The following BEND6 variants were observed in gnomAD, a reference collection of about 807,000 sequenced individuals.
The protein encoded by BEND6 is BEN domain-containing protein 6.
BEND6 carries 24 observed loss-of-function variants against 31.8 expected under a neutral mutation model. That is an observed-to-expected ratio of 0.75 (90% confidence interval 0.55 to 1.06). The LOEUF is 1.06. Ranked by LOEUF, BEND6 falls within the 50% of genes least tolerant of loss-of-function variation. The pLI is 0.00. For missense variants in BEND6, 294 were observed against 327.4 expected (o/e 0.90, Z 0.79); for synonymous variants, 109 against 114.6 (o/e 0.95, Z 0.31).
chr6:57,024,845 G>A (rs1026751837), intron 6 of BEND6, among the ~76,000 whole-genome samples: 7 of 152,030 alleles, frequency 4.6e-5, no homozygotes, highest in East Asian at 3.8e-4. Flanking sequence ...ATAAGTCTTC[G>A]ATTTGGTCTT....
In BEND6 at chr6:57,018,476, A is replaced by AG; in HGVS notation, c.771dup (p.Gln258AlafsTer17). ...ATGATGTTTCAATTAGGAGAATGAT[A>AG]GGGCAAAAGCTAAACAACTGTACCA... On this transcript the variant is annotated frameshift_variant, in exon 6 of 7. Coordinates refer to ENST00000370746, the MANE Select transcript of BEND6 (RefSeq NM_152731.3). LOFTEE classifies it high-confidence loss of function. 1 of 1,592,734 alleles carries AG rather than the reference A, an allele frequency of 6.3e-7. No individual in the cohort carries two copies.
intron 4 of BEND6, among the ~76,000 whole-genome samples, chr6:57,016,712 G>A (rs1827572579): frequency 6.6e-6 from 1 of 152,048 alleles, no homozygotes; most frequent in South Asian, 2.1e-4. Flanking sequence ...TCCTTCTTCT[G>A]CTTTTAAGAA....
At position 56,992,485 on chromosome 6, in the gene BEND6, C is replaced by G; in HGVS notation, c.228C>G (p.Ser76Arg). 1 of 1,613,986 alleles carries G rather than the reference C, an allele frequency of 6.2e-7. No homozygotes were observed. Among genetic ancestry groups the G allele is most frequent in the Non-Finnish European group, 8.5e-7 (1 of 1,179,956 alleles). ...SKEELCAKIKSLKEKLTNTRK... is the reference protein window; with the variant it reads ...SKEELCAKIKRLKEKLTNTRK... ...AAGAATTGTGCGCCAAAATAAAAAG[C>G]CTGAAAGAAAAACTAACAAACACCC... The change falls in exon 3 of 7, where the codon AGC becomes AGG. Residue 76 changes from serine to arginine, a missense_variant. By Grantham distance (110) the Ser-to-Arg change is moderately radical (BLOSUM62 -1). Coordinates refer to ENST00000370746, the MANE Select transcript of BEND6 (RefSeq NM_152731.3).
intron 6 of BEND6, among the ~76,000 whole-genome samples, chr6:57,022,210 T>A (rs1178516049): frequency 6.7e-6 from 1 of 150,058 alleles, no homozygotes; most frequent in Non-Finnish European, 1.5e-5. Context: ...CTGGTATTAC[T>A]GTCTCTTCAA....
intron 1 of BEND6, among the ~76,000 whole-genome samples, chr6:56,970,992 A>G (rs770089768): frequency 3.9e-5 from 6 of 152,212 alleles, no homozygotes; most frequent in African/African-American, 7.2e-5. Context: ...AAAATTTACC[A>G]TTTTAATCAT....
At chr6:56,985,900 T>C (rs1172661629) in intron 2 of BEND6, among the ~76,000 whole-genome samples, 2 of 152,202 alleles carry the variant, frequency 1.3e-5, no homozygotes, top group Non-Finnish European at 2.9e-5. Context: ...AAATATATTC[T>C]CCCAATCTAA....
In BEND6 at chr6:56,991,115, T is replaced by G. The variant is rs185461798; in HGVS notation, c.121-1263T>G. Among the ~76,000 whole-genome samples, 110 of 152,326 alleles carry G rather than the reference T, an allele frequency of 7.2e-4. 1 individual carries two copies. The highest frequency in any genetic ancestry group is 1.7e-3 in the Admixed American group (26 of 15,304). On this transcript the variant is annotated intron_variant, in intron 2 of 6. Coordinates refer to ENST00000370746, the MANE Select transcript of BEND6 (RefSeq NM_152731.3). Reference sequence around the variant, plus strand: ...ACAATAAATTGATAATTGAAAAAATTGCAAACATTTAAAAATAAATTAATT... The same window carrying G: ...ACAATAAATTGATAATTGAAAAAATGGCAAACATTTAAAAATAAATTAATT...
intron 1 of BEND6, among the ~76,000 whole-genome samples, chr6:56,968,307 C>CTTT (rs1562535945): frequency 2.8e-5 from 3 of 106,490 alleles, no homozygotes; most frequent in Admixed American, 1.0e-4. Context: ...TTCTTTCTTT[C>CTTT]TTTTCTTTTT....
At chr6:56,955,728 A>G (rs1014998289) in intron 1 of BEND6, among the ~76,000 whole-genome samples, 1 of 152,190 alleles carries the variant, frequency 6.6e-6, no homozygotes, top group African/African-American at 2.4e-5. Context: ...CATTTAGTGC[A>G]TTTGAAGGGC....
intron 3 of BEND6, among the ~76,000 whole-genome samples, chr6:57,000,465 C>T (rs1190863963): frequency 6.6e-6 from 1 of 151,872 alleles, no homozygotes. Context: ...CCTAGGAAAA[C>T]CAGAGACCTT....
intron 3 of BEND6, among the ~76,000 whole-genome samples, chr6:57,005,620 C>G (rs559088876): frequency 1.6e-4 from 24 of 150,864 alleles, no homozygotes; most frequent in African/African-American, 5.9e-4. Context: ...ACGGAGGTTG[C>G]AGTGAGCCGA....
intron 3 of BEND6, among the ~76,000 whole-genome samples, chr6:56,998,983 T>A (rs1826828670): frequency 6.6e-6 from 1 of 152,116 alleles, no homozygotes; most frequent in Admixed American, 6.5e-5. Flanking sequence ...GGCGAGAAAA[T>A]TGCTGGGTTC....
intron 3 of BEND6, chr6:57,014,467 A>T (rs1315321041): frequency 6.6e-7 from 1 of 1,510,492 alleles, no homozygotes; most frequent in Non-Finnish European, 8.9e-7. Context: ...CTTAGGAAAC[A>T]AACTAGATAT....
rs1201629664 is a variant in BEND6 at position 57,008,449 on chromosome 6, G to A, written c.299-6684G>A. On this transcript the variant is annotated intron_variant, in intron 3 of 6. Transcript: ENST00000370746. ...GCTGTGGAAATCTGTCTGTGTAACT[G>A]GAGTGCTATGCAGACCTGTCTGTGT... 18 of 558,194 alleles carry A rather than the reference G, an allele frequency of 3.2e-5. No homozygotes were observed. In the Admixed American group the frequency reaches 5.6e-4, roughly 17 times the overall value. The allele number at this position is 558,194 out of a possible 1,614,324, so 34.6% of individuals were successfully genotyped here. A position where few individuals can be genotyped will look rare whatever the true frequency, so the allele number is the denominator to read the frequency against.
At chr6:56,959,610 TG>T (rs756500548) in intron 1 of BEND6, among the ~76,000 whole-genome samples, 3 of 152,188 alleles carry the variant, frequency 2.0e-5, no homozygotes, top group Non-Finnish European at 4.4e-5. Flanking sequence ...AAAATAAATT[TG>T]GAGGTGATTT....
intron 2 of BEND6, among the ~76,000 whole-genome samples, chr6:56,989,567 C>G (rs1480372049): frequency 6.6e-6 from 1 of 152,152 alleles, no homozygotes; most frequent in South Asian, 2.1e-4. Context: ...AATTTACATT[C>G]CCACCAGAAA....
At chr6:57,017,882 T>C (rs1827618406) in intron 5 of BEND6, among the ~76,000 whole-genome samples, 1 of 152,046 alleles carries the variant, frequency 6.6e-6, no homozygotes, top group African/African-American at 2.4e-5. Flanking sequence ...ATATATGTCA[T>C]TTCTTAACAT....
intron 3 of BEND6, 57 bp downstream of exon 3, chr6:56,992,612 A>C: frequency 1.3e-6 from 2 of 1,504,590 alleles, no homozygotes; most frequent in South Asian, 2.7e-5. Flanking sequence ...GATCAGTGGA[A>C]AGTATTGCAA....
At chr6:56,983,695 T>A (rs1826147440) in intron 2 of BEND6, among the ~76,000 whole-genome samples, 1 of 152,162 alleles carries the variant, frequency 6.6e-6, no homozygotes, top group African/African-American at 2.4e-5. Context: ...AATTCTACTG[T>A]TTTTTAATCC....
Sources: gnomAD v4.1 joint callset for allele counts (sites outside exome capture counted in the v4.1 genomes callset) on GRCh38, gnomAD v4.1.1 for gene constraint, MANE v1.5 for transcripts, NCBI Gene and HGNC (gene_info 2026-07-23, HGNC 2026-07-21) for gene names.